The following POF1B variants were observed in gnomAD, a reference collection of about 807,000 sequenced individuals.
POF1B encodes POF1B actin binding protein.
In POF1B, 53 loss-of-function variants were observed where a neutral mutation model predicts 55.3. The observed-to-expected ratio is 0.96, with a 90% confidence interval of 0.77 to 1.20. POF1B has a LOEUF of 1.20. Ranked by LOEUF, POF1B falls within the 50% of genes most tolerant of loss-of-function variation. The pLI is 0.00. For missense variants in POF1B, 478 were observed against 420.5 expected (o/e 1.14, Z -1.20); for synonymous variants, 188 against 148.3 (o/e 1.27, Z -1.95).
At chrX:85,298,658 G>A (rs1045302803) in intron 15 of POF1B, among the ~76,000 whole-genome samples, 1 of 112,054 alleles carries the variant, frequency 8.9e-6, no homozygotes, top group African/African-American at 3.2e-5. Flanking sequence ...TTTGTGGTGG[G>A]AGAAGTACTT....
At chrX:85,327,569 C>T (rs1932911134) in intron 7 of POF1B, among the ~76,000 whole-genome samples, 1 of 111,604 alleles carries the variant, frequency 9.0e-6, no homozygotes. Context: ...TCCTGTGTTG[C>T]CCAAAATAGA....
intron 2 of POF1B, 52 bp from the exon 3 acceptor site, chrX:85,367,818 C>A: frequency 1.2e-6 from 1 of 808,738 alleles, no homozygotes; most frequent in Non-Finnish European, 1.8e-6. Context: ...GTCTTAAGTT[C>A]TCATGGTATT....
intron 3 of POF1B, among the ~76,000 whole-genome samples, chrX:85,360,542 T>TATATATA: frequency 1.2e-5 from 1 of 85,451 alleles, no homozygotes; most frequent in African/African-American, 6.7e-5. Flanking sequence ...TATATATATA[T>TATATATA]ATATATATAT....
intron 7 of POF1B, among the ~76,000 whole-genome samples, chrX:85,324,577 C>T (rs1932876746): frequency 9.0e-6 from 1 of 111,352 alleles, no homozygotes; most frequent in South Asian, 3.8e-4. Flanking sequence ...TTTTCTCCAT[C>T]TCTTTATTTT....
At chrX:85,336,857 A>T (rs1387511554) in intron 6 of POF1B, among the ~76,000 whole-genome samples, 1 of 111,648 alleles carries the variant, frequency 9.0e-6, no homozygotes, top group Non-Finnish European at 1.9e-5. Context: ...GTTATTACTC[A>T]AGAAATCTTT....
At chrX:85,369,093 G>C (rs747133655) in intron 2 of POF1B, among the ~76,000 whole-genome samples, 62 of 111,856 alleles carry the variant, frequency 5.5e-4, no homozygotes, top group African/African-American at 1.8e-3. Context: ...TGTTGAACTT[G>C]TAACATTTTC....
intron 5 of POF1B, among the ~76,000 whole-genome samples, chrX:85,351,064 G>T (rs1015494814): frequency 1.8e-5 from 2 of 111,314 alleles, no homozygotes. Context: ...AACATACAAG[G>T]CATTAGGATA....
chrX:85,315,658 C>T, intron 8 of POF1B, 49 bp downstream of exon 8: 1 of 1,012,374 alleles, frequency 9.9e-7, no homozygotes, highest in Non-Finnish European at 1.3e-6. Context: ...ATATCAGAAT[C>T]TACTTTGTTA....
chrX:85,343,692 T>C (rs1933218691), intron 6 of POF1B, among the ~76,000 whole-genome samples: 1 of 111,153 alleles, frequency 9.0e-6, no homozygotes, highest in South Asian at 3.7e-4. Flanking sequence ...AACACATAGC[T>C]TGAGAGGAAC....
chrX:85,279,301 G>T lies in POF1B; in HGVS notation c.*120C>A. ...TTCATTCCATTAGATTTCTTGGGTA[G>T]CAGCATGGTTCCAAATTCTGATTGG... On this transcript the variant is annotated 3_prime_UTR_variant, in exon 17 of 17. Transcript: ENST00000262753. The T allele has an allele frequency of 1.4e-6, 1 of 696,964 alleles. No homozygotes were observed. 57.4% of individuals were successfully genotyped at this position (696,964 alleles called of 1,213,427 possible).
chrX:85,305,888 G>A lies in POF1B; in HGVS notation c.1340C>T (p.Pro447Leu), dbSNP rs1932562925. ...RMQVSETCTG[P>L]MLQAKMDEIG... is the part of the protein sequence containing the mutation. ...CTCATCCATTTTAGCCTGCAACATT[G>A]GGCCTGTGCAAGTCTCAGAAACCTA... The change falls in exon 13 of 17, where the codon CCA (proline) becomes CTA (leucine). Residue 447 changes from proline to leucine, a missense_variant. Pro to Leu is a moderately conservative substitution (Grantham distance 98). Transcript: ENST00000262753. 1.7e-6 allele frequency: 2 copies of A among 1,206,983 alleles called. No homozygotes were observed. Among genetic ancestry groups the A allele is most frequent in the Admixed American group, 4.4e-5 (2 of 45,307 alleles).
At chrX:85,330,840 A>T (rs1932966416) in intron 7 of POF1B, 109 bp downstream of exon 7, 1 of 725,939 alleles carries the variant, frequency 1.4e-6, no homozygotes, top group Admixed American at 4.2e-5. Context: ...AATAGAAAGT[A>T]CTAGAGTTTT....
chrX:85,353,227 C>T (rs1379177617), intron 4 of POF1B, among the ~76,000 whole-genome samples: 1 of 110,736 alleles, frequency 9.0e-6, no homozygotes, highest in African/African-American at 3.3e-5. Context: ...GGAAACAAGA[C>T]AATTAAAGTC....
In POF1B at chrX:85,331,197, T is replaced by G. The variant is rs1310643800; in HGVS notation, c.724-118A>C. On this transcript the variant is annotated intron_variant, in intron 6 of 16. Transcript: ENST00000262753. ...AAAGTCATCACATAAATCAAGCCAT[T>G]TTTTTCAGGGATACATTTTTTAATG... is the stretch of plus-strand genomic sequence containing the variant. The G allele has an allele frequency of 4.2e-6, 3 of 716,520 alleles. 1 individual carries two copies. Among genetic ancestry groups the G allele is most frequent in the Non-Finnish European group, 5.8e-6 (3 of 519,092 alleles). The allele number at this position is 716,520 out of a possible 1,213,427, so 59.0% of individuals were successfully genotyped here.
chrX:85,285,725 C>T (rs12559013), intron 15 of POF1B, among the ~76,000 whole-genome samples: 1,955 of 110,086 alleles, frequency 0.018, 34 homozygotes, highest in African/African-American at 0.045. Flanking sequence ...GGGTGCAGCA[C>T]ACCAACATGG....
chrX:85,338,322 CT>C (rs1348342210), intron 6 of POF1B, among the ~76,000 whole-genome samples: 1 of 111,330 alleles, frequency 9.0e-6, no homozygotes, highest in Admixed American at 9.6e-5. Flanking sequence ...GGGAAAAGCA[CT>C]GGTTGTAAGA....
At chrX:85,332,592 A>T in intron 6 of POF1B, among the ~76,000 whole-genome samples, 1 of 111,553 alleles carries the variant, frequency 9.0e-6, no homozygotes, top group Middle Eastern at 4.6e-3. Flanking sequence ...TTGACTACTG[A>T]TACTTCCTTT....
In POF1B at chrX:85,282,265, T is replaced by C; in HGVS notation, c.1702A>G (p.Ile568Val). 8.4e-7 allele frequency: 1 copy of C among 1,195,014 alleles called. No individual in the cohort carries two copies. Among genetic ancestry groups the C allele is most frequent in the Non-Finnish European group, 1.1e-6 (1 of 885,265 alleles). Residue 568 changes from isoleucine to valine, a missense_variant, in exon 16 of 17, where the codon ATA becomes GTA. Transcript: ENST00000262753. ...GTCTGTGTTTCACTACCTGGTGGTA[T>C]ATATTCGTAGTCATCATATAGGAGG... ...LGLLYDDYEYIPPGSETQTIV... is the reference protein window; with the variant it reads ...LGLLYDDYEYVPPGSETQTIV...
At chrX:85,359,940 A>C (rs1603073879) in intron 3 of POF1B, among the ~76,000 whole-genome samples, 1 of 110,099 alleles carries the variant, frequency 9.1e-6, no homozygotes. Context: ...ATAATACCTC[A>C]ATAGTTGATG....
Sources: allele counts gnomAD v4.1 joint callset (sites outside exome capture counted in the v4.1 genomes callset), GRCh38; gene constraint gnomAD v4.1.1; transcripts MANE v1.5; gene names NCBI Gene and HGNC (gene_info 2026-07-23, HGNC 2026-07-21).